Variants in RAD51AP1 observed in about 807,000 individuals in gnomAD.
The protein encoded by RAD51AP1 is RAD51 associated protein 1.
In RAD51AP1, 14 loss-of-function variants were observed where a neutral mutation model predicts 34.3. That is an observed-to-expected ratio of 0.41 (90% CI 0.27 to 0.64). The LOEUF is 0.64. Ranked by LOEUF, RAD51AP1 falls within the 30% of genes least tolerant of loss-of-function variation. The pLI is 0.33. For synonymous variants in RAD51AP1, 114 were observed against 129.8 expected (o/e 0.88, Z 0.83); for missense variants, 348 against 386.9 (o/e 0.90, Z 0.84).
intron 7 of RAD51AP1, 23 bp downstream of exon 7, chr12:4,553,170 A>G: frequency 6.8e-7 from 1 of 1,471,614 alleles, no homozygotes. Flanking sequence ...CAAAACACTT[A>G]ATTTTATAAA....
Position 4,543,844 on chromosome 12 carries a change from C to G in RAD51AP1, c.149C>G (p.Pro50Arg), listed in dbSNP as rs778046896. The G allele has an allele frequency of 1.9e-6, 3 of 1,612,576 alleles. No homozygotes were observed. Among genetic ancestry groups the G allele is most frequent in the Admixed American group, 3.3e-5 (2 of 59,944 alleles). The change falls in exon 3 of 9, where the codon CCT becomes CGT. Residue 50 changes from proline (P) to arginine (R), a missense_variant. Physicochemically the swap from Pro to Arg is moderately radical, Grantham distance 103. Transcript: ENST00000352618. ...PKELKQDKPKPNLNNLRKEEI... is the reference protein window; with the variant it reads ...PKELKQDKPKRNLNNLRKEEI... ...GAGTTAAAACAAGATAAACCAAAACCTAACTTGAACAATCTCCGGAAAGAA... is the reference window on the plus strand; with the variant it reads ...GAGTTAAAACAAGATAAACCAAAACGTAACTTGAACAATCTCCGGAAAGAA...
intron 5 of RAD51AP1, 84 bp downstream of exon 5, chr12:4,548,262 A>G: frequency 6.5e-7 from 1 of 1,535,374 alleles, no homozygotes; most frequent in Non-Finnish European, 8.7e-7. Context: ...TGTGGCTAGA[A>G]GCAAGTTCTT....
rs780627749 is a variant in RAD51AP1 at position 4,552,965 on chromosome 12, T to C, written c.557-18T>C. The stretch of plus-strand genomic sequence containing the variant: ...CACTTTTTAGAGCAAAGATGAACTA[T>C]ATAATCTTCTGTTTTAGGTGAAGAT... On this transcript the variant is annotated intron_variant, in intron 6 of 8. Transcript: ENST00000352618. 6.4e-7 allele frequency: 1 copy of C among 1,553,584 alleles called. No homozygotes were observed. The highest frequency in any genetic ancestry group is 8.7e-7 in the Non-Finnish European group (1 of 1,155,838).
chr12:4,548,796 T>C lies in RAD51AP1; in HGVS notation c.516T>C (p.Asp172=). The C allele has an allele frequency of 6.2e-7, 1 of 1,614,114 alleles. No homozygotes were observed. Among genetic ancestry groups the C allele is most frequent in the Non-Finnish European group, 8.5e-7 (1 of 1,179,966 alleles). The change falls in exon 6 of 9, where the codon GAT becomes GAC. Residue 172 remains aspartate, a synonymous_variant. Transcript: ENST00000352618. ...GGAAGATTCTTCTGGAAGGCAGTGA[T>C]GGTGATAGTGCTAATGACACTGAAC... ...QQRKILLEGS[D]GDSANDTEPD... is the part of the protein sequence containing the mutation.
In RAD51AP1 at chr12:4,559,255, A is replaced by G. The variant is rs540071832; in HGVS notation, c.*262A>G. The G allele has an allele frequency of 1.9e-5, 6 of 315,400 alleles. No homozygotes were observed. In the South Asian group the frequency reaches 3.7e-4, roughly 20 times the overall value. The allele number at this position is 315,400 out of a possible 1,614,324, so 19.5% of individuals were successfully genotyped here. On this transcript the variant is annotated 3_prime_UTR_variant, in exon 9 of 9. Transcript: ENST00000352618. ...CTGTTTTTCTATCAGTTCGACATGA[A>G]GTCCACATCACATGCTGTTCTTTTC...
At chr12:4,558,708 T>C in intron 8 of RAD51AP1, 149 bp from the exon 9 acceptor site, 1 of 930,186 alleles carries the variant, frequency 1.1e-6, no homozygotes, top group Non-Finnish European at 1.6e-6. Flanking sequence ...CTTTAGAACA[T>C]TCTGTTCTTT....
At position 4,559,026 on chromosome 12, in the gene RAD51AP1, A is replaced by T; in HGVS notation, c.*33A>T. The T allele has an allele frequency of 1.2e-6, 2 of 1,608,154 alleles. No individual in the cohort carries two copies. The highest frequency in any genetic ancestry group is 8.5e-7 in the Non-Finnish European group (1 of 1,175,682). ...ACAGGAGGAATGTTTGGTTGGGAGA[A>T]TCACAGCTTTACAAGGGTGTTTATA... is the stretch of plus-strand genomic sequence containing the variant. On this transcript the variant is annotated 3_prime_UTR_variant, in exon 9 of 9. Coordinates refer to ENST00000352618, the MANE Select transcript of RAD51AP1 (RefSeq NM_006479.5).
chr12:4,544,056 T>G, intron 3 of RAD51AP1, 152 bp downstream of exon 3: 1 of 534,322 alleles, frequency 1.9e-6, no homozygotes, highest in Non-Finnish European at 3.1e-6. Context: ...TACTATTTTT[T>G]TCTGGCTTTC....
At chr12:4,548,263 G>A in intron 5 of RAD51AP1, 85 bp downstream of exon 5, 1 of 1,532,854 alleles carries the variant, frequency 6.5e-7, no homozygotes, top group Non-Finnish European at 8.8e-7. Context: ...GTGGCTAGAA[G>A]CAAGTTCTTT....
intron 7 of RAD51AP1, among the ~76,000 whole-genome samples, chr12:4,554,514 A>G (rs563191901): frequency 3.3e-5 from 5 of 152,334 alleles, no homozygotes; most frequent in Admixed American, 6.5e-5. Context: ...TATTAACACC[A>G]TGAATATATT....
intron 3 of RAD51AP1, among the ~76,000 whole-genome samples, chr12:4,544,680 C>T (rs562963120): frequency 6.6e-6 from 1 of 151,914 alleles, no homozygotes. Context: ...ATTTGTAAAT[C>T]AGATAACTGA....
At chr12:4,549,873 G>A (rs534317979) in intron 6 of RAD51AP1, among the ~76,000 whole-genome samples, 4 of 152,256 alleles carry the variant, frequency 2.6e-5, no homozygotes, top group East Asian at 3.9e-4. Flanking sequence ...TATCCAAAAC[G>A]ATTGAAAGCA....
At chr12:4,553,802 A>G (rs1248615709) in intron 7 of RAD51AP1, among the ~76,000 whole-genome samples, 1 of 152,078 alleles carries the variant, frequency 6.6e-6, no homozygotes, top group Non-Finnish European at 1.5e-5. Flanking sequence ...GCAAAATATA[A>G]CTGTCATTAA....
At chr12:4,553,380 C>T (rs533157741) in intron 7 of RAD51AP1, 10 of 241,450 alleles carry the variant, frequency 4.1e-5, no homozygotes, top group Middle Eastern at 2.7e-3. Flanking sequence ...TCATGGCTGC[C>T]GTCTGTGGTT....
intron 7 of RAD51AP1, chr12:4,553,358 T>G (rs1280348189): frequency 1.3e-5 from 4 of 303,314 alleles, no homozygotes; most frequent in African/African-American, 2.2e-5. Flanking sequence ...GTATATGACC[T>G]CACTTTGGTA....
rs538356143 is a variant in RAD51AP1, at chr12:4,552,369, A to G, written c.557-614A>G. Among the ~76,000 whole-genome samples the G allele has an allele frequency of 3.7e-4, 56 of 152,310 alleles. No homozygotes were observed. The South Asian group carries it at 6.0e-3, about 16-fold the overall frequency. ...ATCACTGGCTTATATTTTGCCACGA[A>G]GTGCAGAAAAGCATTTTTGAGAAAT... On this transcript the variant is annotated intron_variant, in intron 6 of 8. Coordinates refer to ENST00000352618, the MANE Select transcript of RAD51AP1 (RefSeq NM_006479.5).
intron 3 of RAD51AP1, chr12:4,545,255 C>G (rs1489922415): frequency 4.4e-6 from 2 of 449,524 alleles, no homozygotes; most frequent in East Asian, 1.4e-4. Flanking sequence ...CTGATATATA[C>G]TGCAATATGG....
intron 6 of RAD51AP1, among the ~76,000 whole-genome samples, chr12:4,549,553 A>G (rs183617594): frequency 1.3e-5 from 2 of 152,314 alleles, no homozygotes; most frequent in Admixed American, 6.5e-5. Context: ...ATAGTGAAAA[A>G]AACAAACAGC....
At chr12:4,548,630 CT>C in intron 5 of RAD51AP1, 56 bp from the exon 6 acceptor site, 1 of 1,565,158 alleles carries the variant, frequency 6.4e-7, no homozygotes, top group Non-Finnish European at 8.7e-7. Context: ...GTCTGCAGTT[CT>C]TGAAATATCA....
Sources: gnomAD v4.1 joint callset for allele counts (sites outside exome capture counted in the v4.1 genomes callset) on GRCh38, gnomAD v4.1.1 for gene constraint, MANE v1.5 for transcripts, NCBI Gene and HGNC (gene_info 2026-07-23, HGNC 2026-07-21) for gene names.